FAM151B: variants seen among roughly 807,000 people sequenced by gnomAD.
FAM151B encodes the protein family with sequence similarity 151 member B.
A neutral mutation model predicts 31.2 loss-of-function variants in FAM151B; 24 were observed. The observed-to-expected ratio is 0.77, with a 90% confidence interval of 0.56 to 1.08. The LOEUF (loss-of-function observed/expected upper bound fraction) is 1.08. Ranked by LOEUF, FAM151B falls within the 50% of genes least tolerant of loss-of-function variation. FAM151B has a pLI of 0.00. For synonymous variants in FAM151B, 105 were observed against 111.4 expected, an observed-to-expected ratio of 0.94 and a Z score of 0.36; for missense variants, 293 against 328.6, an observed-to-expected ratio of 0.89 and a Z score of 0.84.
At chr5:80,533,749 C>CAAAAAAAAA (rs71601590) in intron 5 of FAM151B, among the ~76,000 whole-genome samples, 16 of 67,498 alleles carry the variant, frequency 2.4e-4, no homozygotes, top group Middle Eastern at 0.011. Flanking sequence ...GACTCCATCT[C>CAAAAAAAAA]AAAAAAAAAA....
chr5:80,490,827 G>A (rs1743306560), intron 1 of FAM151B, among the ~76,000 whole-genome samples: 1 of 152,162 alleles, frequency 6.6e-6, no homozygotes, highest in Non-Finnish European at 1.5e-5. Flanking sequence ...GGACATTTGA[G>A]TTGTTTCCAT....
chr5:80,541,228 C>G (rs781052462), intron 5 of FAM151B, among the ~76,000 whole-genome samples: 1 of 152,188 alleles, frequency 6.6e-6, no homozygotes, highest in African/African-American at 2.4e-5. Flanking sequence ...GCAGGGCCTC[C>G]GTATATGATT....
At chr5:80,492,178 T>C (rs1489372068) in intron 1 of FAM151B, among the ~76,000 whole-genome samples, 1 of 152,184 alleles carries the variant, frequency 6.6e-6, no homozygotes, top group Non-Finnish European at 1.5e-5. Flanking sequence ...TAATCCTTTT[T>C]TTTTTTCCCA....
At chr5:80,526,928 A>G (rs1035029258) in intron 5 of FAM151B, among the ~76,000 whole-genome samples, 24 of 152,078 alleles carry the variant, frequency 1.6e-4, no homozygotes, top group African/African-American at 5.8e-4. Flanking sequence ...ATTGCATAGA[A>G]CTGCTCCCAC....
At chr5:80,538,193 A>G (rs1044218211) in intron 5 of FAM151B, among the ~76,000 whole-genome samples, 1 of 150,678 alleles carries the variant, frequency 6.6e-6, no homozygotes, top group East Asian at 2.0e-4. Context: ...TCAGCCTCCC[A>G]AGTAGCTGGG....
intron 2 of FAM151B, among the ~76,000 whole-genome samples, chr5:80,509,755 A>G (rs1432746661): frequency 6.6e-6 from 1 of 152,186 alleles, no homozygotes; most frequent in Non-Finnish European, 1.5e-5. Context: ...CTTTCTTCTC[A>G]TTCTTTATTA....
At chr5:80,519,544 C>A in intron 3 of FAM151B, 149 bp from the exon 4 acceptor site, 1 of 657,116 alleles carries the variant, frequency 1.5e-6, no homozygotes, top group Non-Finnish European at 2.6e-6. Context: ...GCTTTTCCCT[C>A]TGGTGCTATG....
At chr5:80,538,429 TTTC>T (rs1745647374) in intron 5 of FAM151B, among the ~76,000 whole-genome samples, 1 of 58,702 alleles carries the variant, frequency 1.7e-5, no homozygotes, top group African/African-American at 9.2e-5. Context: ...TCTTTCTTTC[TTTC>T]TTTCTTTCTT....
chr5:80,522,966 C>G (rs931797894), intron 5 of FAM151B, among the ~76,000 whole-genome samples: 86 of 152,136 alleles, frequency 5.7e-4, no homozygotes, highest in African/African-American at 2.0e-3. Context: ...TAGAAACAAG[C>G]TGACTTTTCA....
intron 2 of FAM151B, among the ~76,000 whole-genome samples, chr5:80,505,225 T>C (rs1036694597): frequency 7.9e-5 from 12 of 152,194 alleles, no homozygotes; most frequent in African/African-American, 2.9e-4. Context: ...GGTCCCAAAC[T>C]CCTGGCTGCA....
At chr5:80,493,257 C>T (rs185009659) in intron 1 of FAM151B, among the ~76,000 whole-genome samples, 10 of 152,278 alleles carry the variant, frequency 6.6e-5, no homozygotes, top group Admixed American at 2.6e-4. Context: ...CCTAATAATA[C>T]GCTTATAATT....
intron 3 of FAM151B, among the ~76,000 whole-genome samples, chr5:80,517,956 C>T (rs1744536343): frequency 6.6e-6 from 1 of 151,794 alleles, no homozygotes; most frequent in Admixed American, 6.6e-5. Flanking sequence ...CCTATAGTCC[C>T]AGCTACTTGG....
At chr5:80,500,569 C>T (rs1743705149) in intron 1 of FAM151B, 7 of 755,892 alleles carry the variant, frequency 9.3e-6, no homozygotes, top group African/African-American at 1.7e-5. Context: ...AAGCTGGCAA[C>T]TTCTGTGTAC....
chr5:80,526,765 T>C (rs898858490), intron 5 of FAM151B, among the ~76,000 whole-genome samples: 3 of 152,176 alleles, frequency 2.0e-5, no homozygotes, highest in African/African-American at 7.2e-5. Context: ...GAATAGTGAT[T>C]CTCAAGGTAT....
intron 5 of FAM151B, among the ~76,000 whole-genome samples, chr5:80,533,505 C>T (rs1442004371): frequency 1.3e-5 from 2 of 151,972 alleles, no homozygotes; most frequent in Non-Finnish European, 2.9e-5. Context: ...GTAATCCCAG[C>T]ACTTTGGGAG....
At chr5:80,531,564 A>G (rs933307170) in intron 5 of FAM151B, among the ~76,000 whole-genome samples, 1 of 152,222 alleles carries the variant, frequency 6.6e-6, no homozygotes, top group Non-Finnish European at 1.5e-5. Flanking sequence ...AACCCCATCA[A>G]AAAGTGGGCG....
intron 5 of FAM151B, among the ~76,000 whole-genome samples, chr5:80,538,448 C>CTCTTTCTTTGTTTCTTTCTT (rs1745661737): frequency 1.2e-4 from 6 of 49,360 alleles, no homozygotes; most frequent in African/African-American, 4.9e-4. Flanking sequence ...TTCTTTCTTT[C>CTCTTTCTTTGTTTCTTTCTT]TCTTTCTTTC....
At chr5:80,525,758 C>G (rs1336575977) in intron 5 of FAM151B, among the ~76,000 whole-genome samples, 2 of 152,108 alleles carry the variant, frequency 1.3e-5, no homozygotes, top group Admixed American at 1.3e-4. Flanking sequence ...AAAATAACCT[C>G]TAAGGCTCTT....
intron 1 of FAM151B, chr5:80,501,506 A>AATGTGCAAC (rs1374980799): frequency 4.8e-5 from 19 of 393,832 alleles, no homozygotes; most frequent in Non-Finnish European, 9.0e-6. Flanking sequence ...GTCAAGATCT[A>AATGTGCAAC]ATGTGCAACA....
Sources: allele counts gnomAD v4.1 joint callset (sites outside exome capture counted in the v4.1 genomes callset), GRCh38; gene constraint gnomAD v4.1.1; transcripts MANE v1.5; gene names NCBI Gene and HGNC (gene_info 2026-07-23, HGNC 2026-07-21).